Variants in ZFP64 observed in about 807,000 individuals in gnomAD.
The protein encoded by ZFP64 is ZFP64 zinc finger protein.
ZFP64 carries 14 observed loss-of-function variants against 51.6 expected under a neutral mutation model. That is an observed-to-expected ratio of 0.27 (90% CI 0.18 to 0.42). The LOEUF (loss-of-function observed/expected upper bound fraction) is 0.42, where lower values mean the gene tolerates loss of function less well. ZFP64 is among the 10% of genes least tolerant of loss of function. The probability of loss-of-function intolerance (pLI) is 1.00; values close to 1 mark genes in which losing one functional copy is unlikely to be tolerated. For synonymous variants in ZFP64, 375 were observed against 361.4 expected (o/e 1.04, Z -0.43); for missense variants, 754 against 906.8 (o/e 0.83, Z 2.16).
intron 5 of ZFP64, among the ~76,000 whole-genome samples, chr20:52,120,261 C>A (rs1288741980): frequency 6.6e-6 from 1 of 152,156 alleles, no homozygotes; most frequent in African/African-American, 2.4e-5. Flanking sequence ...ACCCAGTCTA[C>A]GGCACTTTGT....
chr20:52,105,638 A>G lies in ZFP64; in HGVS notation c.764-7051T>C, dbSNP rs1452859533. ...TTCGTTTGCCCATTAAAATTTCAGA[A>G]GCGCAGCTCTCCTCCAACTTTAATG... On this transcript the variant is annotated intron_variant, in intron 5 of 8. Transcript: ENST00000361387. 6 of 154,866 alleles carry G rather than the reference A, an allele frequency of 3.9e-5. No homozygotes were observed. In the Admixed American group the frequency reaches 3.9e-4, roughly 10 times the overall value. 9.6% of individuals were successfully genotyped at this position (154,866 alleles called of 1,614,324 possible).
At chr20:52,175,857 C>CCCCCG in intron 2 of ZFP64, 12 of 376,032 alleles carry the variant, frequency 3.2e-5, no homozygotes, top group Non-Finnish European at 4.4e-5. Context: ...CCCGCACCCC[C>CCCCCG]GCTGCCGCCC....
In ZFP64 at chr20:52,102,466, G is replaced by T. The variant is rs61018020; in HGVS notation, c.764-3879C>A. ...CTGGCTCAGATGCTCAAGGTTGCAG[G>T]ACTGGAAGTTTTCAGCTCATTGGAA... On this transcript the variant is annotated intron_variant, in intron 5 of 8. Coordinates refer to the ZFP64 transcript ENST00000361387. Among the ~76,000 whole-genome samples the T allele has an allele frequency of 5.0e-3, 754 of 152,204 alleles. 3 individuals carry two copies. Among genetic ancestry groups the T allele is most frequent in the African/African-American group, 0.018 (728 of 41,518 alleles).
intron 5 of ZFP64, among the ~76,000 whole-genome samples, chr20:52,113,723 G>A (rs1335901241): frequency 3.7e-4 from 56 of 151,916 alleles, no homozygotes; most frequent in Non-Finnish European, 4.4e-5. Context: ...ATAGGCACGA[G>A]CCACCATTAG....
chr20:52,087,917 C>T (rs2122697938), intron 8 of ZFP64, among the ~76,000 whole-genome samples: 1 of 152,270 alleles, frequency 6.6e-6, no homozygotes, highest in East Asian at 1.9e-4. Context: ...TTATGAGCAT[C>T]TTTATGAATA....
At chr20:52,179,364 C>A (rs1983457488) in intron 2 of ZFP64, among the ~76,000 whole-genome samples, 1 of 152,194 alleles carries the variant, frequency 6.6e-6, no homozygotes, top group South Asian at 2.1e-4. Flanking sequence ...CATCACTAAG[C>A]CCTCATGATG....
At chr20:52,104,772 C>G in intron 5 of ZFP64, 1 of 560,278 alleles carries the variant, frequency 1.8e-6, no homozygotes, top group East Asian at 4.6e-5. Context: ...ACCTTCCAGG[C>G]GCGCAGCCGA....
At chr20:52,128,206 A>C (rs1979536850) in intron 5 of ZFP64, among the ~76,000 whole-genome samples, 1 of 152,212 alleles carries the variant, frequency 6.6e-6, no homozygotes, top group South Asian at 2.1e-4. Flanking sequence ...TGGGAGGCCA[A>C]GGCAGGAGGA....
chr20:52,084,562 G>A (rs1338022027), exon 9 of ZFP64: 1 of 1,612,104 alleles, frequency 6.2e-7, no homozygotes, highest in Non-Finnish European at 8.5e-7. Context: ...CTGAGCTAGA[G>A]GTCTTGGCTG....
At chr20:52,097,041 T>C (rs527835335) in intron 7 of ZFP64, 1 of 654,686 alleles carries the variant, frequency 1.5e-6, no homozygotes, top group Admixed American at 1.8e-5. Context: ...CTGCAGTTTG[T>C]AATCCTGGCA....
At chr20:52,167,267 G>A (rs986918313) in intron 2 of ZFP64, among the ~76,000 whole-genome samples, 2 of 152,090 alleles carry the variant, frequency 1.3e-5, no homozygotes, top group Non-Finnish European at 2.9e-5. Context: ...GGGGGTTGCA[G>A]TGAGCCAAGA....
At chr20:52,149,724 T>C (rs1041654150), downstream of ZFP64, among the ~76,000 whole-genome samples, 2 of 152,134 alleles carry the variant, frequency 1.3e-5, no homozygotes, top group African/African-American at 4.8e-5. Flanking sequence ...ACAAATCAAA[T>C]ATGCATGTGT....
At chr20:52,120,821 C>T (rs1268379576) in intron 5 of ZFP64, among the ~76,000 whole-genome samples, 4 of 151,892 alleles carry the variant, frequency 2.6e-5, no homozygotes, top group Admixed American at 2.0e-4. Context: ...GGATTACAGG[C>T]ATGTGCCACC....
chr20:52,097,876 C>T (rs1482358949), intron 6 of ZFP64, among the ~76,000 whole-genome samples: 2 of 147,484 alleles, frequency 1.4e-5, no homozygotes, highest in Non-Finnish European at 3.0e-5. Flanking sequence ...TGAGACCAGC[C>T]TGGGTAACGT....
In ZFP64 at chr20:52,143,576, A is replaced by G. The variant is rs1980377222; in HGVS notation, c.763+16547T>C. ...TTAGACACAGTCTCACTCTGTCACC[A>G]AGGCTAGAGTGCGGTGGCACATGAT... On this transcript the variant is annotated intron_variant, in intron 5 of 8. Coordinates refer to the ZFP64 transcript ENST00000361387. Among the ~76,000 whole-genome samples, 3 of 141,034 alleles carry G rather than the reference A, an allele frequency of 2.1e-5. No individual in the cohort carries two copies. In the South Asian group the frequency reaches 7.3e-4, roughly 34 times the overall value. 92.5% of individuals were successfully genotyped at this position (141,034 alleles called of 152,430 possible).
chr20:52,143,902 C>G (rs1449441865), intron 5 of ZFP64, among the ~76,000 whole-genome samples: 1 of 142,690 alleles, frequency 7.0e-6, no homozygotes, highest in Admixed American at 7.2e-5. Flanking sequence ...ATAACTCATC[C>G]ACAGGACTGC....
chr20:52,087,641 C>T (rs769603625), intron 8 of ZFP64, among the ~76,000 whole-genome samples: 1 of 152,188 alleles, frequency 6.6e-6, no homozygotes, highest in Non-Finnish European at 1.5e-5. Context: ...GACATGGATG[C>T]CAGAGGTTTC....
At chr20:52,164,789 G>T in intron 3 of ZFP64, 32 bp from the exon 4 acceptor site, 1 of 1,589,160 alleles carries the variant, frequency 6.3e-7, no homozygotes. Flanking sequence ...TAATTACAAA[G>T]GAAAACTTAG....
downstream of ZFP64, among the ~76,000 whole-genome samples, chr20:52,149,104 G>T (rs1727941646): frequency 6.6e-6 from 1 of 152,150 alleles, no homozygotes; most frequent in African/African-American, 2.4e-5. Context: ...CACCAGCTAG[G>T]GGAGTGCACA....
Sources: gnomAD v4.1 joint callset for allele counts (sites outside exome capture counted in the v4.1 genomes callset) on GRCh38, gnomAD v4.1.1 for gene constraint, MANE v1.5 for transcripts, NCBI Gene and HGNC (gene_info 2026-07-23, HGNC 2026-07-21) for gene names.